The following SPIRE1 variants were observed in gnomAD, a reference collection of about 807,000 sequenced individuals.
SPIRE1 encodes protein spire homolog 1.
Under a neutral mutation model 94.1 loss-of-function variants are expected in SPIRE1, and 40 were observed. The ratio of observed to expected loss-of-function variants is 0.43; its 90% CI spans 0.33 to 0.55. The LOEUF is 0.55. SPIRE1 is among the 20% of genes least tolerant of loss of function. The pLI is 0.06. For synonymous variants in SPIRE1, 376 were observed against 371.7 expected (o/e 1.01, Z -0.13); for missense variants, 838 against 975.2 (o/e 0.86, Z 1.87).
Position 12,633,849 on chromosome 18 carries a change from A to C in SPIRE1, c.372+1213T>G, listed in dbSNP as rs541385128. Among the ~76,000 whole-genome samples the C allele has an allele frequency of 1.1e-3, 165 of 152,300 alleles. 1 individual carries two copies. The highest frequency in any genetic ancestry group is 2.9e-3 in the African/African-American group (121 of 41,584). On this transcript the variant is annotated intron_variant, in intron 2 of 16. Transcript: ENST00000409402. ...ACTGCTACTGAAAAGAACACCACAC[A>C]TATATGCTGACCTGGTATTTCAGTA...
At chr18:12,479,958 C>A in intron 9 of SPIRE1, 87 bp from the exon 10 acceptor site, 1 of 1,308,124 alleles carries the variant, frequency 7.6e-7, no homozygotes, top group South Asian at 1.5e-5. Flanking sequence ...GCATTTCATA[C>A]AAAAACACAG....
chr18:12,549,416 T>TTTTG (rs149924382), intron 2 of SPIRE1, among the ~76,000 whole-genome samples: 106,925 of 130,724 alleles, frequency 0.82, 44,280 homozygotes, highest in Middle Eastern at 0.88. Context: ...TTGTTTTGCT[T>TTTTG]TTTGTTTGTT....
intron 2 of SPIRE1, among the ~76,000 whole-genome samples, chr18:12,556,009 C>T (rs2144352570): frequency 1.3e-5 from 2 of 152,096 alleles, no homozygotes; most frequent in South Asian, 4.2e-4. Context: ...AAATCAGTCA[C>T]ATTTCCATAT....
Position 12,449,577 on chromosome 18 carries a change from C to T in SPIRE1, c.*61G>A. 1 of 1,540,750 alleles carries T rather than the reference C, an allele frequency of 6.5e-7. No homozygotes were observed. Among genetic ancestry groups the T allele is most frequent in the Non-Finnish European group, 8.8e-7 (1 of 1,138,136 alleles). ...ACCACAGAAAGGAGAGCCAGCCCGG[C>T]TCAGTGTCCTCGCGCACGGACGCTG... is the stretch of plus-strand genomic sequence containing the variant. On this transcript the variant is annotated 3_prime_UTR_variant, in exon 17 of 17. Transcript: ENST00000409402.
chr18:12,501,075 AAAAAAAAAAAAAAAAAAAAAG>A (rs1003229737), intron 6 of SPIRE1, among the ~76,000 whole-genome samples: 12 of 80,528 alleles, frequency 1.5e-4, no homozygotes, highest in Non-Finnish European at 3.5e-4. Context: ...TCTGTCTCAA[AAAAAAAAAAAAAAAAAAAAAG>A]AAAAAAAAAA....
intron 9 of SPIRE1, among the ~76,000 whole-genome samples, chr18:12,483,086 G>C (rs948596136): frequency 2.0e-5 from 3 of 151,906 alleles, no homozygotes; most frequent in Admixed American, 6.6e-5. Context: ...GACTACAGGT[G>C]TGCACCACCA....
intron 2 of SPIRE1, among the ~76,000 whole-genome samples, chr18:12,597,511 A>T (rs894549888): frequency 6.6e-6 from 1 of 152,156 alleles, no homozygotes; most frequent in Non-Finnish European, 1.5e-5. Flanking sequence ...TATTTGAACT[A>T]TATCTCTGGG....
At chr18:12,634,100 T>C (rs1039492773) in intron 2 of SPIRE1, among the ~76,000 whole-genome samples, 1 of 151,622 alleles carries the variant, frequency 6.6e-6, no homozygotes, top group East Asian at 1.9e-4. Flanking sequence ...TACAAAAAAT[T>C]AGCTGGGCGC....
At chr18:12,548,831 A>C (rs1202001350) in intron 2 of SPIRE1, among the ~76,000 whole-genome samples, 1 of 151,962 alleles carries the variant, frequency 6.6e-6, no homozygotes. Flanking sequence ...TCCAAGCTGG[A>C]CTCAAACTCC....
chr18:12,461,566 T>TGTACGTACATACATATGTGTG lies in SPIRE1; in HGVS notation c.1638+1784_1638+1785insCACACATATGTATGTACGTAC, dbSNP rs1568184251. On this transcript the variant is annotated intron_variant, in intron 12 of 16. Coordinates refer to ENST00000409402, the MANE Select transcript of SPIRE1 (RefSeq NM_001128626.2). Reference sequence around the variant, plus strand: ...ATGTATATACATACATGCGTGTATATGTATGTACATACATATGTATATACA... The same window carrying TGTACGTACATACATATGTGTG: ...ATGTATATACATACATGCGTGTATATGTACGTACATACATATGTGTGGTATGTACATACATATGTATATACA... Among the ~76,000 whole-genome samples, 1,231 of 135,318 alleles carry TGTACGTACATACATATGTGTG rather than the reference T, an allele frequency of 9.1e-3. 76 individuals carry two copies. Among genetic ancestry groups the TGTACGTACATACATATGTGTG allele is most frequent in the African/African-American group, 0.036 (1,164 of 32,238 alleles). 88.8% of individuals were successfully genotyped at this position (135,318 alleles called of 152,430 possible).
intron 16 of SPIRE1, among the ~76,000 whole-genome samples, chr18:12,451,623 C>T (rs1449227808): frequency 6.6e-6 from 1 of 152,174 alleles, no homozygotes; most frequent in Non-Finnish European, 1.5e-5. Flanking sequence ...AGCTTCCTCG[C>T]CTCGCTGTCC....
At chr18:12,514,842 T>C (rs1374761769) in intron 4 of SPIRE1, among the ~76,000 whole-genome samples, 1 of 151,874 alleles carries the variant, frequency 6.6e-6, no homozygotes, top group Non-Finnish European at 1.5e-5. Context: ...TAAAATAAAA[T>C]AAAGAAGAAA....
At chr18:12,560,521 G>T (rs986040307) in intron 2 of SPIRE1, among the ~76,000 whole-genome samples, 4 of 152,116 alleles carry the variant, frequency 2.6e-5, no homozygotes, top group Non-Finnish European at 5.9e-5. Flanking sequence ...CTTATTTGTG[G>T]GAGCTAAAAA....
At chr18:12,617,850 C>T (rs2037355788) in intron 2 of SPIRE1, among the ~76,000 whole-genome samples, 1 of 152,192 alleles carries the variant, frequency 6.6e-6, no homozygotes, top group South Asian at 2.1e-4. Context: ...ACCACCATGT[C>T]TGGCCTCTTT....
chr18:12,650,327 C>T (rs968192418), intron 1 of SPIRE1, among the ~76,000 whole-genome samples: 3 of 152,042 alleles, frequency 2.0e-5, no homozygotes, highest in Non-Finnish European at 2.9e-5. Context: ...GGTAGGCCAA[C>T]GTGGGCAAAT....
intron 6 of SPIRE1, among the ~76,000 whole-genome samples, chr18:12,500,812 C>T (rs1433889940): frequency 6.6e-6 from 1 of 152,100 alleles, no homozygotes; most frequent in African/African-American, 2.4e-5. Context: ...GTGGCTCACG[C>T]CTGTAATCCC....
intron 2 of SPIRE1, among the ~76,000 whole-genome samples, chr18:12,582,224 G>A: frequency 6.6e-6 from 1 of 152,036 alleles, no homozygotes; most frequent in Non-Finnish European, 1.5e-5. Flanking sequence ...CACATTCTAT[G>A]CTTCAATCCC....
At chr18:12,621,257 G>A (rs550266792) in intron 2 of SPIRE1, among the ~76,000 whole-genome samples, 2 of 152,254 alleles carry the variant, frequency 1.3e-5, no homozygotes, top group East Asian at 3.9e-4. Context: ...GGAAAAATCA[G>A]AACCCTTATA....
At chr18:12,514,738 C>T (rs1196231730) in intron 4 of SPIRE1, among the ~76,000 whole-genome samples, 1 of 152,172 alleles carries the variant, frequency 6.6e-6, no homozygotes, top group East Asian at 1.9e-4. Context: ...CACACAGAAA[C>T]ACATGCTCTG....
Sources: gnomAD v4.1 joint callset for allele counts (sites outside exome capture counted in the v4.1 genomes callset) on GRCh38, gnomAD v4.1.1 for gene constraint, MANE v1.5 for transcripts, NCBI Gene and HGNC (gene_info 2026-07-23, HGNC 2026-07-21) for gene names.